RBFOX1: variants seen among roughly 807,000 people sequenced by gnomAD.
RBFOX1 encodes the protein RNA binding fox-1 homolog 1.
In RBFOX1, 8 loss-of-function variants were observed where a neutral mutation model predicts 57.7. That is an observed-to-expected ratio of 0.14 (90% CI 0.08 to 0.25). The LOEUF is 0.25. RBFOX1 is among the 10% of genes least tolerant of loss of function. The probability of loss-of-function intolerance (pLI) is 1.00; values close to 1 mark genes in which losing one functional copy is unlikely to be tolerated. For synonymous variants in RBFOX1, 326 were observed against 222.4 expected (o/e 1.47, Z -4.15); for missense variants, 611 against 548.5 (o/e 1.11, Z -1.14).
intron 4 of RBFOX1, among the ~76,000 whole-genome samples, chr16:7,096,519 A>G (rs910976872): frequency 6.6e-6 from 1 of 152,132 alleles, no homozygotes; most frequent in Non-Finnish European, 1.5e-5. Flanking sequence ...TTTTGAGGCC[A>G]ATTTTCTTGC....
intron 3 of RBFOX1, among the ~76,000 whole-genome samples, chr16:6,746,912 G>T (rs537765607): frequency 6.6e-6 from 1 of 152,180 alleles, no homozygotes; most frequent in South Asian, 2.1e-4. Context: ...AGTCTTCTCA[G>T]TATTTTGGGA....
At chr16:6,460,144 T>A (rs1409444297) in intron 2 of RBFOX1, among the ~76,000 whole-genome samples, 1 of 151,420 alleles carries the variant, frequency 6.6e-6, no homozygotes, top group Non-Finnish European at 1.5e-5. Flanking sequence ...AACAGAAGTT[T>A]ATTTTCTCAT....
chr16:6,790,607 A>G (rs567968469), intron 3 of RBFOX1, among the ~76,000 whole-genome samples: 2 of 152,186 alleles, frequency 1.3e-5, no homozygotes, highest in East Asian at 3.9e-4. Flanking sequence ...AATTCAGCAC[A>G]TGTTTTTAAG....
intron 4 of RBFOX1, among the ~76,000 whole-genome samples, chr16:7,144,541 C>T (rs552755379): frequency 2.0e-5 from 3 of 150,566 alleles, no homozygotes; most frequent in East Asian, 3.9e-4. Context: ...GTTCCTGCCT[C>T]AGCCGCAAAA....
intron 4 of RBFOX1, among the ~76,000 whole-genome samples, chr16:7,480,721 C>A (rs2063729850): frequency 6.6e-6 from 1 of 152,256 alleles, no homozygotes; most frequent in Admixed American, 6.5e-5. Flanking sequence ...AATCTTCTGC[C>A]CTCCGAGGGC....
chr16:7,092,179 C>CA (rs1456591656), intron 4 of RBFOX1, among the ~76,000 whole-genome samples: 3 of 152,174 alleles, frequency 2.0e-5, no homozygotes, highest in Admixed American at 2.0e-4. Flanking sequence ...GCATTGATTA[C>CA]AAAGTTACAA....
At chr16:6,378,415 C>A (rs987295719) in intron 2 of RBFOX1, among the ~76,000 whole-genome samples, 3 of 152,200 alleles carry the variant, frequency 2.0e-5, no homozygotes, top group Admixed American at 2.0e-4. Flanking sequence ...TGTCAGCATG[C>A]TGGAAGCAGC....
At chr16:5,455,559 C>T (rs1281731375) in intron 1 of RBFOX1, among the ~76,000 whole-genome samples, 1 of 152,132 alleles carries the variant, frequency 6.6e-6, no homozygotes, top group Non-Finnish European at 1.5e-5. Context: ...CTAAGGTAAC[C>T]ACATACATTT....
At chr16:5,877,999 A>G (rs2057659670) in intron 4 of RBFOX1, among the ~76,000 whole-genome samples, 1 of 152,192 alleles carries the variant, frequency 6.6e-6, no homozygotes, top group South Asian at 2.1e-4. Context: ...CTCCTACCTC[A>G]CACTTGCTCT....
At chr16:6,138,214 G>C (rs1019198724) in intron 1 of RBFOX1, among the ~76,000 whole-genome samples, 2 of 152,212 alleles carry the variant, frequency 1.3e-5, no homozygotes, top group Admixed American at 6.5e-5. Context: ...CCCCTGCCCA[G>C]CCACACCCTG....
chr16:6,905,809 G>C (rs565495273), intron 3 of RBFOX1, among the ~76,000 whole-genome samples: 8 of 152,306 alleles, frequency 5.3e-5, no homozygotes, highest in Non-Finnish European at 7.4e-5. Flanking sequence ...TAGGAAACCT[G>C]CTGCCTTGGC....
intron 3 of RBFOX1, among the ~76,000 whole-genome samples, chr16:6,738,933 A>C (rs2071243082): frequency 6.6e-6 from 1 of 152,220 alleles, no homozygotes; most frequent in African/African-American, 2.4e-5. Flanking sequence ...AATGACATTG[A>C]ACTTAATGAA....
Position 6,123,419 on chromosome 16 carries a change from A to G in RBFOX1, c.-127+103427A>G, listed in dbSNP as rs1349826594. Among the ~76,000 whole-genome samples, 6 of 152,202 alleles carry G rather than the reference A, an allele frequency of 3.9e-5. No individual in the cohort carries two copies. The East Asian group carries it at 9.6e-4, about 24-fold the overall frequency. On this transcript the variant is annotated intron_variant, in intron 1 of 15. Transcript: ENST00000550418. ...AACCAGATATAAAGGGACAAATACTATATGGTTCTACTTCTAGGGATACTA... is the reference window on the plus strand; with the variant it reads ...AACCAGATATAAAGGGACAAATACTGTATGGTTCTACTTCTAGGGATACTA...
chr16:5,871,085 GT>G (rs2151903199), intron 4 of RBFOX1, among the ~76,000 whole-genome samples: 1 of 152,270 alleles, frequency 6.6e-6, no homozygotes, highest in Admixed American at 6.5e-5. Flanking sequence ...ACAGCAAGCT[GT>G]TTGTGCCAAT....
intron 2 of RBFOX1, among the ~76,000 whole-genome samples, chr16:6,635,934 A>G (rs2154065728): frequency 6.6e-6 from 1 of 152,252 alleles, no homozygotes; most frequent in South Asian, 2.1e-4. Flanking sequence ...ATACATAATG[A>G]GGTATCTTGG....
chr16:6,276,766 G>A (rs964088473), intron 1 of RBFOX1, among the ~76,000 whole-genome samples: 1 of 151,408 alleles, frequency 6.6e-6, no homozygotes, highest in South Asian at 2.1e-4. Flanking sequence ...ACAGCATCCT[G>A]TTTATCTGTT....
chr16:6,607,912 C>T (rs911377698), intron 2 of RBFOX1, among the ~76,000 whole-genome samples: 1 of 152,142 alleles, frequency 6.6e-6, no homozygotes, highest in East Asian at 1.9e-4. Flanking sequence ...GAGTTGGCAA[C>T]ATACTGAAAT....
intron 4 of RBFOX1, among the ~76,000 whole-genome samples, chr16:7,322,009 A>T (rs2096552016): frequency 6.6e-6 from 1 of 152,212 alleles, no homozygotes; most frequent in South Asian, 2.1e-4. Flanking sequence ...TGTCTGCAAA[A>T]CTAGGCTGTA....
At chr16:6,166,792 G>C (rs1266535490) in intron 1 of RBFOX1, among the ~76,000 whole-genome samples, 1 of 151,592 alleles carries the variant, frequency 6.6e-6, no homozygotes, top group East Asian at 1.9e-4. Flanking sequence ...TGTTTTTTTT[G>C]AGATGGAGTC....
Sources: allele counts gnomAD v4.1 joint callset (sites outside exome capture counted in the v4.1 genomes callset), GRCh38; gene constraint gnomAD v4.1.1; transcripts MANE v1.5; gene names NCBI Gene and HGNC (gene_info 2026-07-23, HGNC 2026-07-21).